The following CDYL2 variants were observed in gnomAD, a reference collection of about 807,000 sequenced individuals.
The protein encoded by CDYL2 is chromodomain Y like 2, also known as chromodomain Y-like protein 2.
A neutral mutation model predicts 49.4 loss-of-function variants in CDYL2; 23 were observed. That is an observed-to-expected ratio of 0.47 (90% CI 0.34 to 0.66). The LOEUF is 0.66. Ranked by LOEUF, CDYL2 falls within the 30% of genes least tolerant of loss-of-function variation. CDYL2 has a pLI of 0.01. For missense variants in CDYL2, 678 were observed against 656.4 expected, an observed-to-expected ratio of 1.03 and a Z score of -0.36; for synonymous variants, 360 against 268.8, an observed-to-expected ratio of 1.34 and a Z score of -3.32.
chr16:80,669,320 C>T (rs984227941), intron 2 of CDYL2, among the ~76,000 whole-genome samples: 1 of 152,048 alleles, frequency 6.6e-6, no homozygotes, highest in African/African-American at 2.4e-5. Flanking sequence ...ACCCCCAAGG[C>T]CCCACAGCCC....
intron 2 of CDYL2, among the ~76,000 whole-genome samples, chr16:80,660,605 T>C (rs768234397): frequency 2.0e-5 from 3 of 152,140 alleles, no homozygotes; most frequent in African/African-American, 7.2e-5. Context: ...CTACCTAAAA[T>C]AGGAGAAATA....
chr16:80,630,652 T>C (rs9927905), intron 3 of CDYL2, among the ~76,000 whole-genome samples: 3,051 of 151,988 alleles, frequency 0.02, 121 homozygotes, highest in African/African-American at 0.071. Context: ...AGGCGGAGGA[T>C]GGAGAGGCCC....
In CDYL2 at chr16:80,772,166, A is replaced by C. The variant is rs1427035191; in HGVS notation, c.24+31984T>G. On this transcript the variant is annotated intron_variant, in intron 1 of 6. Transcript: ENST00000570137. ...AAAACATCCTTCAAAACTAAATGTG[A>C]AATAAAGCTTTTTTAGGCAAATAAA... Among the ~76,000 whole-genome samples, 4 of 152,342 alleles carry C rather than the reference A, an allele frequency of 2.6e-5. No homozygotes were observed. The East Asian group carries it at 5.8e-4, about 22-fold the overall frequency.
At chr16:80,735,641 G>C (rs956625806) in intron 1 of CDYL2, among the ~76,000 whole-genome samples, 11 of 152,158 alleles carry the variant, frequency 7.2e-5, no homozygotes, top group African/African-American at 2.4e-4. Context: ...GCTCCAACTA[G>C]AGCTCTGGTG....
chr16:80,735,974 C>T (rs1167563019), intron 1 of CDYL2, among the ~76,000 whole-genome samples: 1 of 152,202 alleles, frequency 6.6e-6, no homozygotes, highest in Non-Finnish European at 1.5e-5. Flanking sequence ...GGGCCTCAAG[C>T]AAGTAATTAC....
chr16:80,694,271 C>T (rs1304072204), intron 1 of CDYL2, among the ~76,000 whole-genome samples: 1 of 152,206 alleles, frequency 6.6e-6, no homozygotes, highest in Admixed American at 6.5e-5. Flanking sequence ...TGGTAATGCT[C>T]CCTTACCCAC....
At chr16:80,729,856 G>C (rs988310446) in intron 1 of CDYL2, among the ~76,000 whole-genome samples, 2 of 152,082 alleles carry the variant, frequency 1.3e-5, no homozygotes, top group Admixed American at 6.5e-5. Context: ...TGACTACTGG[G>C]TGCATAACGA....
intron 5 of CDYL2, among the ~76,000 whole-genome samples, chr16:80,611,638 C>G (rs560936904): frequency 6.6e-6 from 1 of 152,338 alleles, no homozygotes; most frequent in East Asian, 1.9e-4. Flanking sequence ...CCAGCCAGTT[C>G]GTGCTCAAAT....
Position 80,601,894 on chromosome 16 carries a change from A to T in CDYL2, c.*2494T>A, listed in dbSNP as rs1906102256. 1 of 152,182 alleles carries T rather than the reference A, an allele frequency of 6.6e-6. No homozygotes were observed. The highest frequency in any genetic ancestry group is 2.1e-4 in the South Asian group (1 of 4,828). 9.4% of individuals were successfully genotyped at this position (152,182 alleles called of 1,614,324 possible). A position where few individuals can be genotyped will look rare whatever the true frequency, so the allele number is the denominator to read the frequency against. On this transcript the variant is annotated 3_prime_UTR_variant, in exon 7 of 7. Coordinates refer to ENST00000570137, the MANE Select transcript of CDYL2 (RefSeq NM_152342.4). ...CTTCAGAGATCCTTGAAATGTTTAG[A>T]AGTTTGGATTTGATAGTACATCCAA...
chr16:80,724,616 T>C (rs1298595824), intron 1 of CDYL2, among the ~76,000 whole-genome samples: 2 of 152,200 alleles, frequency 1.3e-5, no homozygotes, highest in African/African-American at 2.4e-5. Flanking sequence ...GTATTGCCTG[T>C]AATATTGTTT....
intron 1 of CDYL2, among the ~76,000 whole-genome samples, chr16:80,784,804 G>A (rs74030439): frequency 0.029 from 4,354 of 152,224 alleles, 192 homozygotes; most frequent in African/African-American, 0.099. Flanking sequence ...CTGGAGAGAA[G>A]CTGGGCTGCC....
At chr16:80,637,043 G>C (rs187467465) in intron 2 of CDYL2, among the ~76,000 whole-genome samples, 241 of 152,208 alleles carry the variant, frequency 1.6e-3, no homozygotes, top group African/African-American at 5.4e-3. Context: ...TCACACACCG[G>C]GGCTTGTCTG....
intron 1 of CDYL2, among the ~76,000 whole-genome samples, chr16:80,782,022 T>C (rs182968424): frequency 1.9e-3 from 292 of 151,622 alleles, no homozygotes; most frequent in African/African-American, 6.8e-3. Context: ...CAAAAGCTTG[T>C]AGAAAGAAGT....
At chr16:80,610,975 C>G (rs1051528259) in intron 5 of CDYL2, among the ~76,000 whole-genome samples, 2 of 152,186 alleles carry the variant, frequency 1.3e-5, no homozygotes, top group Non-Finnish European at 2.9e-5. Context: ...CTGCCATGGC[C>G]TCATCCCTCG....
chr16:80,737,597 G>A (rs1213690425), intron 1 of CDYL2, among the ~76,000 whole-genome samples: 2 of 152,150 alleles, frequency 1.3e-5, no homozygotes, highest in African/African-American at 2.4e-5. Flanking sequence ...AGTGGTGGTG[G>A]TTTTCTCTTT....
At chr16:80,622,808 G>A (rs960738118) in intron 3 of CDYL2, among the ~76,000 whole-genome samples, 1 of 152,126 alleles carries the variant, frequency 6.6e-6, no homozygotes, top group African/African-American at 2.4e-5. Context: ...AGCTAACTGT[G>A]TTTGCGCTCT....
At chr16:80,689,069 TATGAATGAATGA>T (rs3077555) in intron 1 of CDYL2, among the ~76,000 whole-genome samples, 1 of 152,136 alleles carries the variant, frequency 6.6e-6, no homozygotes, top group Admixed American at 6.5e-5. Flanking sequence ...TATTTGCACA[TATGAATGAATGA>T]ATGAATGAAT....
At chr16:80,675,537 G>C (rs1175401750) in intron 2 of CDYL2, among the ~76,000 whole-genome samples, 1 of 152,164 alleles carries the variant, frequency 6.6e-6, no homozygotes, top group East Asian at 1.9e-4. Flanking sequence ...CATTCATGAA[G>C]ACTGGCTGCT....
chr16:80,766,712 T>C (rs907502564), intron 1 of CDYL2, among the ~76,000 whole-genome samples: 2 of 152,110 alleles, frequency 1.3e-5, no homozygotes. Context: ...AGATCATATA[T>C]CTAACTGCCA....
Sources: allele counts gnomAD v4.1 joint callset (sites outside exome capture counted in the v4.1 genomes callset), GRCh38; gene constraint gnomAD v4.1.1; transcripts MANE v1.5; gene names NCBI Gene and HGNC (gene_info 2026-07-23, HGNC 2026-07-21).